FGD3: variants seen among roughly 807,000 people sequenced by gnomAD.
FGD3 encodes the protein FYVE, RhoGEF and PH domain containing 3.
In FGD3, 45 loss-of-function variants were observed where a neutral mutation model predicts 71.8. The observed-to-expected ratio is 0.63, with a 90% CI of 0.49 to 0.80. The LOEUF is 0.80. FGD3 is among the 30% of genes least tolerant of loss of function. The pLI, the probability that FGD3 is intolerant of heterozygous loss-of-function variation, is 0.00. For missense variants in FGD3, 844 were observed against 951.5 expected, an observed-to-expected ratio of 0.89 and a Z score of 1.49; for synonymous variants, 378 against 392.8, an observed-to-expected ratio of 0.96 and a Z score of 0.44.
intron 3 of FGD3, among the ~76,000 whole-genome samples, chr9:92,997,343 C>T (rs1191800828): frequency 6.6e-6 from 1 of 152,144 alleles, no homozygotes; most frequent in East Asian, 1.9e-4. Flanking sequence ...TTCCTCCATC[C>T]CTTTATTTTG....
chr9:92,953,524 C>G (rs940736230), intron 1 of FGD3, among the ~76,000 whole-genome samples: 1 of 152,232 alleles, frequency 6.6e-6, no homozygotes, highest in Admixed American at 6.5e-5. Context: ...CAGCTTCTCG[C>G]TGCTCACACT....
chr9:92,990,485 C>T (rs1860365357), intron 3 of FGD3, among the ~76,000 whole-genome samples: 1 of 152,132 alleles, frequency 6.6e-6, no homozygotes, highest in Non-Finnish European at 1.5e-5. Flanking sequence ...AGTGGGCATC[C>T]TTGTCTTGTT....
At chr9:93,020,173 G>T (rs946880927) in intron 12 of FGD3, 144 bp from the exon 13 acceptor site, 5 of 736,744 alleles carry the variant, frequency 6.8e-6, no homozygotes, top group Non-Finnish European at 8.8e-6. Flanking sequence ...TCATTGGTAG[G>T]GGGGAAGGGA....
chr9:93,005,922 G>C, intron 5 of FGD3, 102 bp from the exon 6 acceptor site: 2 of 1,336,994 alleles, frequency 1.5e-6, no homozygotes, highest in Non-Finnish European at 2.0e-6. Flanking sequence ...ATCACACAGA[G>C]CTGGCCTCCA....
intron 15 of FGD3, among the ~76,000 whole-genome samples, chr9:93,031,518 T>C (rs1364335069): frequency 6.6e-6 from 1 of 152,168 alleles, no homozygotes; most frequent in Non-Finnish European, 1.5e-5. Context: ...TGCCCGGTAT[T>C]CCTGCTTCCT....
At chr9:93,019,421 T>G (rs931193294) in intron 11 of FGD3, among the ~76,000 whole-genome samples, 2 of 152,218 alleles carry the variant, frequency 1.3e-5, no homozygotes, top group Non-Finnish European at 2.9e-5. Flanking sequence ...ATATGTGTAA[T>G]TGTAGCCGTC....
chr9:92,953,410 A>G (rs1172391373), intron 1 of FGD3, among the ~76,000 whole-genome samples: 1 of 152,214 alleles, frequency 6.6e-6, no homozygotes, highest in East Asian at 1.9e-4. Context: ...TTGGTCTAAG[A>G]GTTTGAAGCT....
At chr9:92,990,309 CG>C (rs1860358728) in intron 3 of FGD3, among the ~76,000 whole-genome samples, 1 of 151,904 alleles carries the variant, frequency 6.6e-6, no homozygotes, top group Non-Finnish European at 1.5e-5. Flanking sequence ...TATGGTGGTG[CG>C]GGCAACAAGT....
chr9:93,010,528 A>G (rs1361643974), intron 7 of FGD3, 144 bp downstream of exon 7: 9 of 876,824 alleles, frequency 1.0e-5, no homozygotes, highest in Non-Finnish European at 1.5e-5. Flanking sequence ...AGAGACAGAG[A>G]CAGAGGCAGG....
intron 1 of FGD3, among the ~76,000 whole-genome samples, chr9:92,953,147 G>A (rs1291907809): frequency 6.6e-6 from 1 of 152,118 alleles, no homozygotes; most frequent in African/African-American, 2.4e-5. Context: ...GATTGAGTGG[G>A]GGCGTGGCCA....
intron 3 of FGD3, among the ~76,000 whole-genome samples, chr9:92,999,589 C>CTTTTTT (rs886295047): frequency 2.3e-5 from 3 of 131,176 alleles, no homozygotes; most frequent in Non-Finnish European, 3.3e-5. Context: ...ATCTTGGAAC[C>CTTTTTT]TTTTTTTTTT....
At chr9:92,979,144 A>AT (rs1417550502) in intron 3 of FGD3, among the ~76,000 whole-genome samples, 2 of 151,866 alleles carry the variant, frequency 1.3e-5, no homozygotes, top group Non-Finnish European at 2.9e-5. Flanking sequence ...CCCATACTAT[A>AT]TTGAATAGAA....
intron 1 of FGD3, among the ~76,000 whole-genome samples, chr9:92,949,135 A>G (rs1183070514): frequency 6.6e-6 from 1 of 152,256 alleles, no homozygotes; most frequent in Non-Finnish European, 1.5e-5. Flanking sequence ...GGGGTCACAC[A>G]TGATCTGGGG....
Position 92,976,664 on chromosome 9 carries a change from T to C in FGD3, c.408T>C (p.Ser136=). 2 of 1,609,624 alleles carry C rather than the reference T, an allele frequency of 1.2e-6. No individual in the cohort carries two copies. Among genetic ancestry groups the C allele is most frequent in the Non-Finnish European group, 1.7e-6 (2 of 1,178,184 alleles). The change falls in exon 3 of 18, where the codon TCT becomes TCC. Residue 136 remains serine (S), a synonymous_variant. Transcript: ENST00000375482. ...ADSDVGEEPD[S]ENTPQKADKD... is the part of the protein sequence containing the mutation. ...GCGACGTGGGTGAGGAACCTGACTC[T>C]GAGAACACCCCCCAGAAGGCTGACA...
At chr9:92,956,342 T>C (rs1859050253) in intron 1 of FGD3, among the ~76,000 whole-genome samples, 1 of 152,236 alleles carries the variant, frequency 6.6e-6, no homozygotes, top group South Asian at 2.1e-4. Flanking sequence ...GGGACTATTA[T>C]GGGCCTGACT....
intron 6 of FGD3, among the ~76,000 whole-genome samples, chr9:93,007,606 C>G (rs1237467864): frequency 6.6e-6 from 1 of 152,178 alleles, no homozygotes; most frequent in African/African-American, 2.4e-5. Context: ...GAGCTGAGAT[C>G]GCGCCTGCCA....
intron 1 of FGD3, among the ~76,000 whole-genome samples, chr9:92,959,699 T>C (rs1451044497): frequency 4.7e-5 from 4 of 85,260 alleles, no homozygotes; most frequent in African/African-American, 1.7e-4. Flanking sequence ...AGAGGGAAAC[T>C]CAGTCTCAAA....
intron 1 of FGD3, among the ~76,000 whole-genome samples, chr9:92,950,841 G>A (rs1447410978): frequency 1.3e-5 from 2 of 152,222 alleles, no homozygotes; most frequent in African/African-American, 2.4e-5. Flanking sequence ...ACCTGGGGAC[G>A]GCTCAGGGAC....
At chr9:92,994,746 CTTGT>C (rs1860561170) in intron 3 of FGD3, among the ~76,000 whole-genome samples, 1 of 152,190 alleles carries the variant, frequency 6.6e-6, no homozygotes. Context: ...TTCCCCATTG[CTTGT>C]TTTAGTCAGG....
Sources: gnomAD v4.1 joint callset for allele counts (sites outside exome capture counted in the v4.1 genomes callset) on GRCh38, gnomAD v4.1.1 for gene constraint, MANE v1.5 for transcripts, NCBI Gene and HGNC (gene_info 2026-07-23, HGNC 2026-07-21) for gene names.